The following DNAH5 variants were observed in gnomAD, a reference collection of about 807,000 sequenced individuals.
DNAH5 encodes dynein axonemal heavy chain 5, also known as axonemal beta dynein heavy chain 5.
A neutral mutation model predicts 518.2 loss-of-function variants in DNAH5; 372 were observed. The observed-to-expected ratio is 0.72, with a 90% CI of 0.66 to 0.78. DNAH5 has a LOEUF of 0.78. Among genes scored for constraint, DNAH5 ranks in the 30% least tolerant of loss-of-function variants. DNAH5 has a pLI of 0.00. For missense variants in DNAH5, 5,523 were observed against 5,687.0 expected (o/e 0.97, Z 0.93); for synonymous variants, 2,039 against 2,025.9 (o/e 1.01, Z -0.17).
chr5:13,953,564 A>G (rs1456790460), intron 1 of DNAH5, among the ~76,000 whole-genome samples: 5 of 152,222 alleles, frequency 3.3e-5, no homozygotes, highest in African/African-American at 1.2e-4. Flanking sequence ...AAAGAACAAG[A>G]TAAGGCAAGA....
chr5:14,009,932 A>G (rs1040975640), intron 1 of DNAH5, among the ~76,000 whole-genome samples: 1 of 152,254 alleles, frequency 6.6e-6, no homozygotes, highest in Non-Finnish European at 1.5e-5. Flanking sequence ...ACTATAAATT[A>G]TGTATGTATA....
intron 1 of DNAH5, among the ~76,000 whole-genome samples, chr5:13,951,003 T>C (rs947366942): frequency 7.2e-5 from 11 of 152,118 alleles, no homozygotes; most frequent in African/African-American, 2.7e-4. Flanking sequence ...ATTAGAGAGA[T>C]AGGAAGAGAA....
At chr5:13,815,755 G>T (rs1247580530) in intron 42 of DNAH5, among the ~76,000 whole-genome samples, 1 of 152,208 alleles carries the variant, frequency 6.6e-6, no homozygotes, top group East Asian at 1.9e-4. Context: ...ATTCTGGTTT[G>T]CACCTAAGTC....
intron 7 of DNAH5, 62 bp downstream of exon 7, chr5:13,919,114 T>G: frequency 6.3e-7 from 1 of 1,598,444 alleles, no homozygotes; most frequent in East Asian, 2.2e-5. Context: ...CTCTATGCCT[T>G]GAAAATATGC....
At chr5:13,742,025 G>A (rs887565150) in intron 65 of DNAH5, among the ~76,000 whole-genome samples, 3 of 151,922 alleles carry the variant, frequency 2.0e-5, no homozygotes, top group Non-Finnish European at 4.4e-5. Context: ...TTCATTTCTG[G>A]CCAAATTTTC....
At chr5:13,959,512 T>C (rs950431231) in intron 1 of DNAH5, among the ~76,000 whole-genome samples, 1 of 152,182 alleles carries the variant, frequency 6.6e-6, no homozygotes, top group Non-Finnish European at 1.5e-5. Flanking sequence ...TGCAGGTCCC[T>C]TTTCGGACCA....
intron 61 of DNAH5, among the ~76,000 whole-genome samples, 188 bp downstream of exon 61, chr5:13,758,658 G>A (rs1751343900): frequency 6.6e-6 from 1 of 152,156 alleles, no homozygotes; most frequent in South Asian, 2.1e-4. Flanking sequence ...AACTCAGAAT[G>A]GCTATGTTCC....
In DNAH5 at chr5:13,944,459, C is replaced by G; in HGVS notation, c.-21G>C. 6.2e-7 allele frequency: 1 copy of G among 1,610,716 alleles called. No homozygotes were observed. The highest frequency in any genetic ancestry group is 8.5e-7 in the Non-Finnish European group (1 of 1,178,926). Reference sequence around the variant, plus strand: ...AACATTGTAGCCGTGCATGGACAGGCTGGAGTCAGCTCTTCCGGAATGGTC... The same window carrying G: ...AACATTGTAGCCGTGCATGGACAGGGTGGAGTCAGCTCTTCCGGAATGGTC... On this transcript the variant is annotated 5_prime_UTR_variant, in exon 1 of 79. Coordinates refer to ENST00000265104, the MANE Select transcript of DNAH5 (RefSeq NM_001369.3).
intron 65 of DNAH5, 32 bp downstream of exon 65, chr5:13,751,046 T>A: frequency 6.2e-7 from 1 of 1,609,572 alleles, no homozygotes. Flanking sequence ...ATTAAAGCAA[T>A]GCAGAATGGG....
chr5:14,001,904 A>AT lies in DNAH5; in HGVS notation c.12+9743dup, dbSNP rs200922477. On this transcript the variant is annotated intron_variant, in intron 1 of 78. Transcript: ENST00000681290. ...GTGATCCAACCCTTTGCTGGTGTTA[A>AT]TTTGTTTTTTTTTTAGACAGCGTCT... is the stretch of plus-strand genomic sequence containing the variant. 2.9e-3 allele frequency among the ~76,000 whole-genome samples: 426 copies of AT among 149,056 alleles called. 1 individual carries two copies. Among genetic ancestry groups the AT allele is most frequent in the Non-Finnish European group, 3.7e-3 (248 of 67,042 alleles).
At chr5:13,830,572 C>A (rs1157075529) in intron 36 of DNAH5, 25 bp downstream of exon 36, 1 of 1,613,024 alleles carries the variant, frequency 6.2e-7, no homozygotes, top group Admixed American at 1.7e-5. Flanking sequence ...CAATTTCTCA[C>A]CAGATTAAAA....
At chr5:13,815,537 C>T (rs924800453) in intron 42 of DNAH5, among the ~76,000 whole-genome samples, 1 of 152,150 alleles carries the variant, frequency 6.6e-6, no homozygotes, top group African/African-American at 2.4e-5. Flanking sequence ...TCCCCAGAAC[C>T]CGACCATGCT....
chr5:13,798,597 C>T (rs1248087932), intron 47 of DNAH5, among the ~76,000 whole-genome samples: 1 of 151,720 alleles, frequency 6.6e-6, no homozygotes, highest in East Asian at 1.9e-4. Context: ...AAGAACAAAC[C>T]AGTTAAAAGT....
At chr5:13,960,023 T>C (rs1352947463) in intron 1 of DNAH5, among the ~76,000 whole-genome samples, 17 of 151,478 alleles carry the variant, frequency 1.1e-4, no homozygotes, top group Non-Finnish European at 2.5e-4. Flanking sequence ...AGAACTGGAC[T>C]CACTCCCAGC....
intron 64 of DNAH5, among the ~76,000 whole-genome samples, chr5:13,751,733 G>A (rs1750260463): frequency 6.6e-6 from 1 of 152,104 alleles, no homozygotes; most frequent in African/African-American, 2.4e-5. Context: ...GCTTTGTGGT[G>A]TTTAGGGGGT....
intron 53 of DNAH5, among the ~76,000 whole-genome samples, chr5:13,778,489 A>AG (rs1232778488): frequency 2.2e-4 from 21 of 94,908 alleles, no homozygotes; most frequent in Middle Eastern, 4.9e-3. Context: ...GAAGGAAGGA[A>AG]GGAAGGAAGG....
chr5:14,010,715 C>CAAAA (rs1785056663), intron 1 of DNAH5, among the ~76,000 whole-genome samples: 1 of 151,918 alleles, frequency 6.6e-6, no homozygotes, highest in South Asian at 2.1e-4. Flanking sequence ...AGGATACACA[C>CAAAA]AAAAATAAAA....
intron 51 of DNAH5, among the ~76,000 whole-genome samples, chr5:13,788,504 C>T (rs922220596): frequency 2.6e-5 from 4 of 152,122 alleles, no homozygotes; most frequent in African/African-American, 9.7e-5. Context: ...AATATCCAAG[C>T]GTGATATGCA....
At chr5:13,900,784 T>C (rs1247866692) in intron 14 of DNAH5, 3 of 322,160 alleles carry the variant, frequency 9.3e-6, no homozygotes, top group Non-Finnish European at 1.7e-5. Flanking sequence ...TTTACTTATC[T>C]AGAAAAACAA....
Sources: allele counts gnomAD v4.1 joint callset (sites outside exome capture counted in the v4.1 genomes callset), GRCh38; gene constraint gnomAD v4.1.1; transcripts MANE v1.5; gene names NCBI Gene and HGNC (gene_info 2026-07-23, HGNC 2026-07-21).